GDF1: variants seen among roughly 807,000 people sequenced by gnomAD.
The protein encoded by GDF1 is growth differentiation factor 1, also known as embryonic growth/differentiation factor 1.
GDF1 carries 8 observed loss-of-function variants against 7.4 expected under a neutral mutation model. That is an observed-to-expected ratio of 1.09 (90% CI 0.64 to 1.96). GDF1 has a LOEUF of 1.96. GDF1 is among the 30% of genes most tolerant of loss of function. GDF1 has a pLI of 0.00. For missense variants in GDF1, 574 were observed against 551.5 expected (o/e 1.04, Z -0.41); for synonymous variants, 311 against 276.7 (o/e 1.12, Z -1.23).
At chr19:18,871,076 C>T (rs2055960834) in intron 6 of GDF1, among the ~76,000 whole-genome samples, 1 of 152,008 alleles carries the variant, frequency 6.6e-6, no homozygotes, top group Admixed American at 6.5e-5. Context: ...TACTTCCCTT[C>T]CATGTTCTTT....
At position 18,868,824 on chromosome 19, in the gene GDF1, C is replaced by A; in HGVS notation, c.892G>T (p.Gly298Cys). 1 of 1,457,428 alleles carries A rather than the reference C, an allele frequency of 6.9e-7. No individual in the cohort carries two copies. Among genetic ancestry groups the A allele is most frequent in the Non-Finnish European group, 9.1e-7 (1 of 1,095,122 alleles). 90.3% of individuals were successfully genotyped at this position (1,457,428 alleles called of 1,614,324 possible). Residue 298 changes from glycine (G) to cysteine (C), a missense_variant, in exon 8 of 8, where the codon GGT becomes TGT. Coordinates refer to ENST00000247005, the MANE Select transcript of GDF1 (RefSeq NM_001492.6). ...PRGFLANYCQ[G>C]QCALPVALSG... The stretch of plus-strand genomic sequence containing the variant: ...AGCGCGACGGGCAGCGCGCACTGAC[C>A]CTGGCAGTAGTTGGCCAGGAAGCCG...
In GDF1 at chr19:18,878,562, C is replaced by T. The variant is rs1290575995; in HGVS notation, c.-313+368G>A. 1.5e-5 allele frequency: 16 copies of T among 1,040,242 alleles called. No homozygotes were observed. The highest frequency in any genetic ancestry group is 1.5e-4 in the Admixed American group (3 of 19,886). 64.4% of individuals were successfully genotyped at this position (1,040,242 alleles called of 1,614,324 possible). On this transcript the variant is annotated intron_variant, in intron 6 of 7. Coordinates refer to ENST00000247005, the MANE Select transcript of GDF1 (RefSeq NM_001492.6). This position sits in a 1 kb window ranked among gnomAD's most constrained non-coding sequence, Gnocchi z 4.6. Reference sequence around the variant, plus strand: ...GCCCCACTGCCACCAGCTCCAGTGGCGACATGGGTCAGAGGTCGTCATCCA... The same window carrying T: ...GCCCCACTGCCACCAGCTCCAGTGGTGACATGGGTCAGAGGTCGTCATCCA...
rs1438404071 is a variant in GDF1 at position 18,869,991 on chromosome 19, G to A, written c.317C>T (p.Pro106Leu). ...GVAGNIVRHI[P>L]DRGAPTRASE... The stretch of plus-strand genomic sequence containing the variant: ...GCGAAAGCCCCACTCACCGCGGTCC[G>A]GGATGTGGCGCACGATGTTTCCGGC... The change falls in exon 7 of 8, where the codon CCG becomes CTG. Residue 106 changes from proline (P) to leucine (L), a missense_variant. Physicochemically the swap from Pro to Leu is moderately conservative, Grantham distance 98. Transcript: ENST00000247005. 8 of 1,592,042 alleles carry A rather than the reference G, an allele frequency of 5.0e-6. No individual in the cohort carries two copies. The South Asian group carries it at 5.7e-5, about 11-fold the overall frequency.
At chr19:18,893,160 A>G (rs2056536544) in intron 2 of GDF1, among the ~76,000 whole-genome samples, 2 of 151,464 alleles carry the variant, frequency 1.3e-5, no homozygotes, top group Admixed American at 1.3e-4. Context: ...TGATCCACTC[A>G]CCTTGGCCTC....
In GDF1 at chr19:18,878,401, G is replaced by T. The variant is rs967142683; in HGVS notation, c.-313+529C>A. 1.0e-6 allele frequency: 1 copy of T among 989,444 alleles called. No individual in the cohort carries two copies. The highest frequency in any genetic ancestry group is 1.2e-6 in the Non-Finnish European group (1 of 832,454). 61.3% of individuals were successfully genotyped at this position (989,444 alleles called of 1,614,324 possible). A position where few individuals can be genotyped will look rare whatever the true frequency, so the allele number is the denominator to read the frequency against. ...TTCCCCAGGACTCCCACCTGGGCTGGACTGAGTCTGAGCTCCCAGCCCCAG... is the reference window on the plus strand; with the variant it reads ...TTCCCCAGGACTCCCACCTGGGCTGTACTGAGTCTGAGCTCCCAGCCCCAG... On this transcript the variant is annotated intron_variant, in intron 6 of 7. Coordinates refer to ENST00000247005, the MANE Select transcript of GDF1 (RefSeq NM_001492.6). The surrounding 1 kb of genome is among the most constrained non-coding windows in gnomAD (Gnocchi z 4.6).
Position 18,878,151 on chromosome 19 carries a change from G to T in GDF1, c.-313+779C>A. 1.0e-6 allele frequency: 1 copy of T among 985,508 alleles called. No individual in the cohort carries two copies. The highest frequency in any genetic ancestry group is 1.2e-6 in the Non-Finnish European group (1 of 830,040). 61.0% of individuals were successfully genotyped at this position (985,508 alleles called of 1,614,324 possible). A position where few individuals can be genotyped will look rare whatever the true frequency, so the allele number is the denominator to read the frequency against. Reference sequence around the variant, plus strand: ...TGGCCCCCACCGGCCAAATCAGAGGGCCTGGCTGGTCGGCACCTTCCAGGG... The same window carrying T: ...TGGCCCCCACCGGCCAAATCAGAGGTCCTGGCTGGTCGGCACCTTCCAGGG... On this transcript the variant is annotated intron_variant, in intron 6 of 7. Transcript: ENST00000247005. This position sits in a 1 kb window ranked among gnomAD's most constrained non-coding sequence, Gnocchi z 4.6.
chr19:18,890,424 C>T (rs2056461679), intron 2 of GDF1, among the ~76,000 whole-genome samples: 1 of 152,232 alleles, frequency 6.6e-6, no homozygotes, highest in Non-Finnish European at 1.5e-5. Flanking sequence ...CTGTGGCATA[C>T]AGTAGTCGCT....
intron 2 of GDF1, among the ~76,000 whole-genome samples, chr19:18,884,903 A>T (rs1183318923): frequency 6.7e-6 from 1 of 150,316 alleles, no homozygotes; most frequent in African/African-American, 2.5e-5. Context: ...TTTAGTAGAG[A>T]TGGGCTTTTG....
Position 18,880,312 on chromosome 19 carries a change from C to T in GDF1, c.-609G>A. 1 of 1,552,850 alleles carries T rather than the reference C, an allele frequency of 6.4e-7. No individual in the cohort carries two copies. The highest frequency in any genetic ancestry group is 8.7e-7 in the Non-Finnish European group (1 of 1,148,340). Reference sequence around the variant, plus strand: ...AGCTGAGGCAGCCCAAGTCTGCTGCCAAGGCATGCAGCCGATGGTAGGAGC... The same window carrying T: ...AGCTGAGGCAGCCCAAGTCTGCTGCTAAGGCATGCAGCCGATGGTAGGAGC... On this transcript the variant is annotated 5_prime_UTR_variant, in exon 4 of 8. It introduces an in-frame stop codon into an upstream open reading frame of the 5' UTR. Coordinates refer to ENST00000247005, the MANE Select transcript of GDF1 (RefSeq NM_001492.6).
At chr19:18,869,709 A>C (rs1391299121) in intron 7 of GDF1, among the ~76,000 whole-genome samples, 2 of 91,596 alleles carry the variant, frequency 2.2e-5, no homozygotes, top group African/African-American at 8.6e-5. Flanking sequence ...ATCTGCAGGA[A>C]GGCATTAGTG....
At chr19:18,879,593 G>GC (rs1450301695) in intron 4 of GDF1, among the ~76,000 whole-genome samples, 1 of 145,890 alleles carries the variant, frequency 6.9e-6, no homozygotes, top group Non-Finnish European at 1.5e-5. Flanking sequence ...TCCCCGCCTG[G>GC]CCCCCCACTT....
At chr19:18,876,688 C>T (rs1235782343) in intron 6 of GDF1, among the ~76,000 whole-genome samples, 1 of 152,030 alleles carries the variant, frequency 6.6e-6, no homozygotes, top group Non-Finnish European at 1.5e-5. Context: ...CCTGGCCAAA[C>T]TTTTTTATTT....
chr19:18,872,170 T>C (rs2055982028), intron 6 of GDF1, among the ~76,000 whole-genome samples: 1 of 152,256 alleles, frequency 6.6e-6, no homozygotes, highest in Non-Finnish European at 1.5e-5. Flanking sequence ...CGGTGATGGG[T>C]GCCCCCGCCC....
Position 18,869,188 on chromosome 19 carries a change from C to T in GDF1, c.528G>A (p.Ala176=). The change falls in exon 8 of 8, where the codon GCG becomes GCA. Residue 176 remains alanine (A), a synonymous_variant. Coordinates refer to ENST00000247005, the MANE Select transcript of GDF1 (RefSeq NM_001492.6). ...SVAQAGQGAG[A]DPGPVLLRQL... The stretch of plus-strand genomic sequence containing the variant: ...GGCGGAGCAGCACCGGCCCGGGGTC[C>T]GCGCCCGCGCCCTGGCCCGCTTGCG... The T allele has an allele frequency of 1.7e-6, 2 of 1,174,974 alleles. No individual in the cohort carries two copies. Among genetic ancestry groups the T allele is most frequent in the Non-Finnish European group, 2.1e-6 (2 of 953,404 alleles). 72.8% of individuals were successfully genotyped at this position (1,174,974 alleles called of 1,614,324 possible).
At chr19:18,876,277 C>T (rs757978985) in intron 6 of GDF1, among the ~76,000 whole-genome samples, 102 of 152,248 alleles carry the variant, frequency 6.7e-4, no homozygotes, top group African/African-American at 1.4e-3. Flanking sequence ...TGAGCCACCG[C>T]GCCTGGTCTT....
In GDF1 at chr19:18,870,093, T is replaced by TG. The variant is rs746201664; in HGVS notation, c.214dup (p.Gln72ProfsTer55). 7.6e-6 allele frequency: 12 copies of TG among 1,574,536 alleles called. No homozygotes were observed. The highest frequency in any genetic ancestry group is 1.0e-5 in the Non-Finnish European group (12 of 1,164,624). On this transcript the variant is annotated frameshift_variant, in exon 7 of 8. Transcript: ENST00000247005. LOFTEE classifies it high-confidence loss of function. The surrounding 1 kb of genome is among the most constrained non-coding windows in gnomAD (Gnocchi z 5.1). ...CCGCCGCGAGCCAGACCTGGTCTCC[T>TG]GGGGGTCCCGGCGTCGAAACAGGCG... is the stretch of plus-strand genomic sequence containing the variant.
chr19:18,887,935 A>AC (rs970966482), intron 2 of GDF1, among the ~76,000 whole-genome samples: 21 of 151,374 alleles, frequency 1.4e-4, no homozygotes, highest in East Asian at 1.9e-4. Context: ...CAGCCCTGGC[A>AC]CCCCCCATCC....
Position 18,889,656 on chromosome 19 carries a change from C to T in GDF1, c.-914+3760G>A, listed in dbSNP as rs538040731. Among the ~76,000 whole-genome samples the T allele has an allele frequency of 8.5e-5, 13 of 152,264 alleles. No individual in the cohort carries two copies. In the South Asian group the frequency reaches 2.7e-3, roughly 32 times the overall value. On this transcript the variant is annotated intron_variant, in intron 2 of 7. Transcript: ENST00000247005. ...TATTCCCAAGGTTGGTCTCGAACTC[C>T]TGGGCTCAAGTGATCCTCCCACCTT...
chr19:18,883,794 G>C (rs1002915590), intron 3 of GDF1, among the ~76,000 whole-genome samples: 1 of 152,104 alleles, frequency 6.6e-6, no homozygotes. Context: ...CAAGGGCAGC[G>C]TCTGAAGAGC....
Sources: allele counts gnomAD v4.1 joint callset (sites outside exome capture counted in the v4.1 genomes callset), GRCh38; gene constraint gnomAD v4.1.1; non-coding constraint Gnocchi (gnomAD v3.1); transcripts MANE v1.5; gene names NCBI Gene and HGNC (gene_info 2026-07-23, HGNC 2026-07-21).